The following NALF1 variants were observed in gnomAD, a reference collection of about 807,000 sequenced individuals.
The protein encoded by NALF1 is NALCN channel auxiliary factor 1, also known as family with sequence similarity 155 member A.
In NALF1, 3 loss-of-function variants were observed where a neutral mutation model predicts 48.4. The observed-to-expected ratio is 0.06, with a 90% CI of 0.03 to 0.16. The LOEUF is 0.16. Among genes scored for constraint, NALF1 ranks in the 10% least tolerant of loss-of-function variants. NALF1 has a pLI of 1.00. For missense variants in NALF1, 526 were observed against 571.5 expected, an observed-to-expected ratio of 0.92 and a Z score of 0.81; for synonymous variants, 262 against 245.7, an observed-to-expected ratio of 1.07 and a Z score of -0.62.
chr13:107,163,533 T>C lies in NALF1; in HGVS notation c.*6964A>G, dbSNP rs934706365. Reference sequence around the variant, plus strand: ...ACTTTAGCAGTGGCCTCTATATCTTTTTAATATTTGTATTTTAATAATTTT... The same window carrying C: ...ACTTTAGCAGTGGCCTCTATATCTTCTTAATATTTGTATTTTAATAATTTT... On this transcript the variant is annotated 3_prime_UTR_variant, in exon 3 of 3. Transcript: ENST00000375915. The C allele has an allele frequency of 2.0e-5, 3 of 152,184 alleles. No homozygotes were observed. The highest frequency in any genetic ancestry group is 7.2e-5 in the African/African-American group (3 of 41,440). The allele number at this position is 152,184 out of a possible 1,614,324, so 9.4% of individuals were successfully genotyped here.
chr13:107,385,574 A>AC (rs1259935346), intron 1 of NALF1, among the ~76,000 whole-genome samples: 1 of 149,732 alleles, frequency 6.7e-6, no homozygotes, highest in Non-Finnish European at 1.5e-5. Context: ...AAAAAAAAAA[A>AC]AAACAAAGAA....
rs116804239 is a variant in NALF1 at position 107,342,880 on chromosome 13, G to A, written c.916-132125C>T. On this transcript the variant is annotated intron_variant, in intron 1 of 2. Coordinates refer to ENST00000375915, the MANE Select transcript of NALF1 (RefSeq NM_001080396.3). Reference sequence around the variant, plus strand: ...ACATCAAAGCTCCCAAATGTATGACGCATACGTTGACAGAAGTGAAGGGAG... The same window carrying A: ...ACATCAAAGCTCCCAAATGTATGACACATACGTTGACAGAAGTGAAGGGAG... Among the ~76,000 whole-genome samples, 271 of 152,196 alleles carry A rather than the reference G, an allele frequency of 1.8e-3. 2 individuals are homozygous for A. Among genetic ancestry groups the A allele is most frequent in the African/African-American group, 6.1e-3 (255 of 41,524 alleles).
intron 1 of NALF1, among the ~76,000 whole-genome samples, chr13:107,275,304 T>C (rs1881258123): frequency 6.6e-6 from 1 of 152,154 alleles, no homozygotes; most frequent in African/African-American, 2.4e-5. Flanking sequence ...TGTGTATCAA[T>C]TAAGAGGGTT....
At chr13:107,450,026 C>T (rs1034352683) in intron 1 of NALF1, among the ~76,000 whole-genome samples, 4 of 152,182 alleles carry the variant, frequency 2.6e-5, no homozygotes, top group Middle Eastern at 3.4e-3. Flanking sequence ...GGTGGATAAA[C>T]GGGTGATATA....
chr13:107,323,724 C>T (rs1336582857), intron 1 of NALF1, among the ~76,000 whole-genome samples: 2 of 152,150 alleles, frequency 1.3e-5, no homozygotes, highest in Non-Finnish European at 2.9e-5. Context: ...TGCACAACAA[C>T]TAAATTATGA....
chr13:107,494,880 T>A (rs1423348559), intron 1 of NALF1, among the ~76,000 whole-genome samples: 6 of 152,094 alleles, frequency 3.9e-5, no homozygotes, highest in African/African-American at 1.4e-4. Flanking sequence ...TATATGGAAA[T>A]AATTTGGGTT....
intron 1 of NALF1, among the ~76,000 whole-genome samples, chr13:107,553,604 T>C (rs899376463): frequency 7.2e-5 from 11 of 152,260 alleles, no homozygotes; most frequent in Non-Finnish European, 1.2e-4. Flanking sequence ...CTTAATGTCC[T>C]AGTTGAATTG....
At chr13:107,711,399 A>C (rs1473914988) in intron 1 of NALF1, among the ~76,000 whole-genome samples, 1 of 152,216 alleles carries the variant, frequency 6.6e-6, no homozygotes, top group Non-Finnish European at 1.5e-5. Context: ...GCAGTGACGC[A>C]ATCTCAGCTC....
At chr13:107,577,791 C>T (rs1036544767) in intron 1 of NALF1, among the ~76,000 whole-genome samples, 2 of 152,180 alleles carry the variant, frequency 1.3e-5, no homozygotes, top group Admixed American at 1.3e-4. Context: ...GCTGCTTCAT[C>T]CCGGATCTCT....
chr13:107,773,646 G>A (rs987064042), intron 1 of NALF1, among the ~76,000 whole-genome samples: 1 of 142,444 alleles, frequency 7.0e-6, no homozygotes, highest in Non-Finnish European at 1.5e-5. Context: ...ATGAGTGTCC[G>A]CATGTTCTCA....
chr13:107,725,161 A>G (rs1876112332), intron 1 of NALF1, among the ~76,000 whole-genome samples: 1 of 152,234 alleles, frequency 6.6e-6, no homozygotes, highest in Non-Finnish European at 1.5e-5. Flanking sequence ...ATTTTTGTAT[A>G]AAATACAGCT....
chr13:107,503,989 C>G (rs55657974), intron 1 of NALF1, among the ~76,000 whole-genome samples: 38,607 of 151,056 alleles, frequency 0.26, 5,134 homozygotes, highest in East Asian at 0.4. Context: ...CACGGTGGCT[C>G]TTGCCTGTAA....
chr13:107,465,225 A>C (rs116197688), intron 1 of NALF1, among the ~76,000 whole-genome samples: 1 of 151,924 alleles, frequency 6.6e-6, no homozygotes, highest in Non-Finnish European at 1.5e-5. Flanking sequence ...GAAATGCTAC[A>C]TGGTCCCTTG....
chr13:107,321,749 T>C (rs1239934902), intron 1 of NALF1, among the ~76,000 whole-genome samples: 1 of 152,172 alleles, frequency 6.6e-6, no homozygotes, highest in Non-Finnish European at 1.5e-5. Context: ...TCCTCCTAAA[T>C]GGCATCTTAT....
At chr13:107,847,665 A>C (rs1880208529) in intron 1 of NALF1, among the ~76,000 whole-genome samples, 1 of 152,180 alleles carries the variant, frequency 6.6e-6, no homozygotes, top group Non-Finnish European at 1.5e-5. Context: ...TCCTCAGCTC[A>C]ACAGCTCGCA....
Position 107,167,080 on chromosome 13 carries a change from A to G in NALF1, c.*3417T>C, listed in dbSNP as rs1367506533. The G allele has an allele frequency of 6.6e-6, 1 of 152,238 alleles. No homozygotes were observed. Among genetic ancestry groups the G allele is most frequent in the Non-Finnish European group, 1.5e-5 (1 of 68,032 alleles). The allele number at this position is 152,238 out of a possible 1,614,324, so 9.4% of individuals were successfully genotyped here. On this transcript the variant is annotated 3_prime_UTR_variant, in exon 3 of 3. Coordinates refer to ENST00000375915, the MANE Select transcript of NALF1 (RefSeq NM_001080396.3). ...GTTATTTGCCATTTAGCTTAGCAGT[A>G]CCAACATATTCCAGAAACTGAAATT...
intron 1 of NALF1, among the ~76,000 whole-genome samples, chr13:107,454,624 T>C (rs1452698767): frequency 1.3e-5 from 2 of 152,032 alleles, no homozygotes; most frequent in East Asian, 3.9e-4. Flanking sequence ...CATATCACAG[T>C]TGTATATGTT....
chr13:107,422,536 G>A (rs1245147420), intron 1 of NALF1, among the ~76,000 whole-genome samples: 8 of 151,940 alleles, frequency 5.3e-5, no homozygotes, highest in South Asian at 2.1e-4. Context: ...AAGTAGGGTC[G>A]GTTATTTTTA....
At chr13:107,719,946 C>T (rs570164537) in intron 1 of NALF1, among the ~76,000 whole-genome samples, 1 of 152,162 alleles carries the variant, frequency 6.6e-6, no homozygotes, top group East Asian at 1.9e-4. Context: ...CAATAATCAC[C>T]GTTCCCTCTG....
Sources: gnomAD v4.1 joint callset for allele counts (sites outside exome capture counted in the v4.1 genomes callset) on GRCh38, gnomAD v4.1.1 for gene constraint, MANE v1.5 for transcripts, NCBI Gene and HGNC (gene_info 2026-07-23, HGNC 2026-07-21) for gene names.